The following DNAJB5 variants were observed in gnomAD, a reference collection of about 807,000 sequenced individuals.
DNAJB5 encodes dnaJ homolog subfamily B member 5.
DNAJB5 carries 12 observed loss-of-function variants against 32.6 expected under a neutral mutation model. That is an observed-to-expected ratio of 0.37 (90% CI 0.24 to 0.60). The LOEUF is 0.60. Ranked by LOEUF, DNAJB5 falls within the 20% of genes least tolerant of loss-of-function variation. DNAJB5 has a pLI of 0.71. For synonymous variants in DNAJB5, 188 were observed against 212.9 expected, an observed-to-expected ratio of 0.88 and a Z score of 1.02; for missense variants, 358 against 554.2, an observed-to-expected ratio of 0.65 and a Z score of 3.55.
rs1827584249 is a variant in DNAJB5, at chr9:34,990,212, C to T, written c.-132-287C>T. 1 of 1,310,912 alleles carries T rather than the reference C, an allele frequency of 7.6e-7. No individual in the cohort carries two copies. The highest frequency in any genetic ancestry group is 9.9e-7 in the Non-Finnish European group (1 of 1,010,026). The allele number at this position is 1,310,912 out of a possible 1,614,324, so 81.2% of individuals were successfully genotyped here. On this transcript the variant is annotated intron_variant, in intron 1 of 4. Coordinates refer to ENST00000682809, the MANE Select transcript of DNAJB5 (RefSeq NM_001349723.3). This position sits in a 1 kb window ranked among gnomAD's most constrained non-coding sequence, Gnocchi z 4.5. ...GTCCCGGCCGAGCTCCGCTCTGCCC[C>T]GCCCATCTGCGAGGGAGGAGACTCC...
chr9:34,992,943 G>C, intron 2 of DNAJB5: 1 of 1,334,984 alleles, frequency 7.5e-7, no homozygotes, highest in South Asian at 1.6e-5. Context: ...CTAGCCCCAA[G>C]AGTGGGCCAC....
chr9:34,996,899 G>A lies in DNAJB5; in HGVS notation c.1029+33G>A. 1 of 1,589,188 alleles carries A rather than the reference G, an allele frequency of 6.3e-7. No individual in the cohort carries two copies. The highest frequency in any genetic ancestry group is 1.7e-5 in the Admixed American group (1 of 59,180). On this transcript the variant is annotated intron_variant, in intron 4 of 4. Coordinates refer to ENST00000682809, the MANE Select transcript of DNAJB5 (RefSeq NM_001349723.3). This position sits in a 1 kb window ranked among gnomAD's most constrained non-coding sequence, Gnocchi z 7.2. The stretch of plus-strand genomic sequence containing the variant: ...CTAGTCAGGCTGTGTGTGTGTGCTG[G>A]GGAGATGGTGGGGACATTCCCTCTC...
chr9:34,991,006 G>T (rs1479198027), intron 2 of DNAJB5, 194 bp downstream of exon 2: 10 of 617,248 alleles, frequency 1.6e-5, no homozygotes, highest in Non-Finnish European at 2.5e-5. Context: ...AACCCTTCAG[G>T]TATCCATTTT....
chr9:34,996,656 G>A lies in DNAJB5; in HGVS notation c.819G>A (p.Gly273=), dbSNP rs765101835. ...KITRRRLNPD[G]RTVRTEDKIL... ...CAAGGCGTCGCCTCAACCCTGATGG[G>A]CGAACTGTGCGCACCGAGGACAAGA... The change falls in exon 4 of 5, where the codon GGG becomes GGA. Residue 273 remains glycine (G), a synonymous_variant. Transcript: ENST00000682809. This position sits in a 1 kb window ranked among gnomAD's most constrained non-coding sequence, Gnocchi z 7.2. 6.2e-7 allele frequency: 1 copy of A among 1,614,128 alleles called. No individual in the cohort carries two copies. Among genetic ancestry groups the A allele is most frequent in the South Asian group, 1.1e-5 (1 of 91,084 alleles).
intron 2 of DNAJB5, chr9:34,991,675 C>CA (rs1554662740): frequency 2.4e-5 from 6 of 254,454 alleles, no homozygotes; most frequent in Middle Eastern, 1.4e-3. Flanking sequence ...GTTGCCCCCC[C>CA]CCCCAACGAG....
At chr9:34,991,667 T>TCC (rs1275397283) in intron 2 of DNAJB5, 9 of 79,738 alleles carry the variant, frequency 1.1e-4, no homozygotes, top group South Asian at 1.9e-4. Flanking sequence ...CGAAAACGGT[T>TCC]GCCCCCCCCC....
Position 34,990,572 on chromosome 9 carries a change from G to A in DNAJB5, c.-59G>A. On this transcript the variant is annotated 5_prime_UTR_variant, in exon 2 of 5. Transcript: ENST00000682809. The surrounding 1 kb of genome is among the most constrained non-coding windows in gnomAD (Gnocchi z 4.5). ...AGAGTCCAAGGAGGTGGCTTCCAGA[G>A]CTGCAGCACTTCAGGCCGGCTCCGG... is the stretch of plus-strand genomic sequence containing the variant. 6.4e-7 allele frequency: 1 copy of A among 1,550,844 alleles called. No homozygotes were observed. Among genetic ancestry groups the A allele is most frequent in the Non-Finnish European group, 8.7e-7 (1 of 1,146,912 alleles).
rs1354652113 is a variant in DNAJB5 at position 34,993,354 on chromosome 9, G to A, written c.337G>A (p.Ala113Thr). ...YHPDKNKEPN[A>T]EEKFKEIAEA... ...CCCAGACAAGAATAAAGAACCCAAC[G>A]CTGAGGAGAAGTTTAAGGAGATTGC... The change falls in exon 3 of 5, where the codon GCT (alanine) becomes ACT (threonine). Residue 113 changes from alanine (A) to threonine (T), a missense_variant. Physicochemically the swap from Ala to Thr is moderately conservative, Grantham distance 58. Around this residue, in one of 2 missense-constraint regions of DNAJB5, gnomAD observed 248 missense variants for 442.6 expected, o/e 0.56. Coordinates refer to ENST00000682809, the MANE Select transcript of DNAJB5 (RefSeq NM_001349723.3). This position sits in a 1 kb window ranked among gnomAD's most constrained non-coding sequence, Gnocchi z 4.7. 9 of 1,613,988 alleles carry A rather than the reference G, an allele frequency of 5.6e-6. No individual in the cohort carries two copies. The highest frequency in any genetic ancestry group is 3.3e-5 in the Admixed American group (2 of 60,006).
Position 34,990,875 on chromosome 9 carries a change from C to A in DNAJB5, c.182+63C>A. 4.8e-6 allele frequency: 7 copies of A among 1,468,448 alleles called. No homozygotes were observed. The highest frequency in any genetic ancestry group is 1.4e-5 in the African/African-American group (1 of 71,094). The allele number at this position is 1,468,448 out of a possible 1,614,324, so 91.0% of individuals were successfully genotyped here. A position where few individuals can be genotyped will look rare whatever the true frequency, so the allele number is the denominator to read the frequency against. Reference sequence around the variant, plus strand: ...CAGTCAAACCCTCCACGCGGCCATCCCCTCCATTGCCTTCCTGCTTCCTCC... The same window carrying A: ...CAGTCAAACCCTCCACGCGGCCATCACCTCCATTGCCTTCCTGCTTCCTCC... On this transcript the variant is annotated intron_variant, in intron 2 of 4. Coordinates refer to ENST00000682809, the MANE Select transcript of DNAJB5 (RefSeq NM_001349723.3). This position sits in a 1 kb window ranked among gnomAD's most constrained non-coding sequence, Gnocchi z 4.5.
Position 34,996,249 on chromosome 9 carries a change from T to C in DNAJB5, c.428-16T>C. 1.2e-6 allele frequency: 2 copies of C among 1,604,698 alleles called. No homozygotes were observed. Among genetic ancestry groups the C allele is most frequent in the Non-Finnish European group, 1.7e-6 (2 of 1,174,286 alleles). ...CAGAATAAGCCACACTGCCCCTAAC[T>C]TCTCCTCCCCTCTAGGCCTGAAGAC... On this transcript the variant is annotated splice_polypyrimidine_tract_variant and intron_variant, in intron 3 of 4. Transcript: ENST00000682809. The surrounding 1 kb of genome is among the most constrained non-coding windows in gnomAD (Gnocchi z 7.2).
chr9:34,990,083 G>T lies in DNAJB5; in HGVS notation c.-133+252G>T. 1.4e-6 allele frequency: 1 copy of T among 720,992 alleles called. No homozygotes were observed. Among genetic ancestry groups the T allele is most frequent in the Non-Finnish European group, 2.2e-6 (1 of 454,726 alleles). The allele number at this position is 720,992 out of a possible 1,614,324, so 44.7% of individuals were successfully genotyped here. Reference sequence around the variant, plus strand: ...GGACCGGACCAGATTGGGTTCTGTGGGGCGGAGGCATCTGTGAGCAGACCA... The same window carrying T: ...GGACCGGACCAGATTGGGTTCTGTGTGGCGGAGGCATCTGTGAGCAGACCA... On this transcript the variant is annotated intron_variant, in intron 1 of 4. Coordinates refer to ENST00000682809, the MANE Select transcript of DNAJB5 (RefSeq NM_001349723.3). The surrounding 1 kb of genome is among the most constrained non-coding windows in gnomAD (Gnocchi z 4.5).
At position 34,989,830 on chromosome 9, in the gene DNAJB5, C is replaced by A; in HGVS notation, c.-134C>A. 8.1e-7 allele frequency: 1 copy of A among 1,233,906 alleles called. No individual in the cohort carries two copies. Among genetic ancestry groups the A allele is most frequent in the Non-Finnish European group, 1.0e-6 (1 of 989,150 alleles). 76.4% of individuals were successfully genotyped at this position (1,233,906 alleles called of 1,614,324 possible). The stretch of plus-strand genomic sequence containing the variant: ...CACGGCGGCGCCCGCAGCTCCTCAC[C>A]GGTGAGGGCGCCAAGCCAGGACTCG... On this transcript the variant is annotated splice_region_variant and 5_prime_UTR_variant, in exon 1 of 5. Transcript: ENST00000682809.
Position 34,993,979 on chromosome 9 carries a change from A to G in DNAJB5, c.427+535A>G, listed in dbSNP as rs2132979669. ...TCCCAGAGGAAGTGGCAGGGATCCAAGGGTGGACGGGGAACTGCTGCTGGC... is the reference window on the plus strand; with the variant it reads ...TCCCAGAGGAAGTGGCAGGGATCCAGGGGTGGACGGGGAACTGCTGCTGGC... On this transcript the variant is annotated intron_variant, in intron 3 of 4. Transcript: ENST00000682809. The surrounding 1 kb of genome is among the most constrained non-coding windows in gnomAD (Gnocchi z 4.7). 6.6e-6 allele frequency among the ~76,000 whole-genome samples: 1 copy of G among 152,314 alleles called. No homozygotes were observed. The highest frequency in any genetic ancestry group is 2.1e-4 in the South Asian group (1 of 4,830).
In DNAJB5 at chr9:34,996,276, G is replaced by A. The variant is rs772171150; in HGVS notation, c.439G>A (p.Gly147Ser). Reference protein sequence around the residue: ...DQYGEEGLKTGGGTSGGSSGS... With the variant: ...DQYGEEGLKTSGGTSGGSSGS... Reference sequence around the variant, plus strand: ...CTCCTCCCCTCTAGGCCTGAAGACCGGCGGTGGCACATCAGGTGGCTCCAG... The same window carrying A: ...CTCCTCCCCTCTAGGCCTGAAGACCAGCGGTGGCACATCAGGTGGCTCCAG... The change falls in exon 4 of 5, where the codon GGC becomes AGC. Residue 147 changes from glycine (G) to serine (S), a missense_variant. Transcript: ENST00000682809. This position sits in a 1 kb window ranked among gnomAD's most constrained non-coding sequence, Gnocchi z 7.2. 10 of 1,613,188 alleles carry A rather than the reference G, an allele frequency of 6.2e-6. No homozygotes were observed. The highest frequency in any genetic ancestry group is 4.5e-5 in the East Asian group (2 of 44,886).
In DNAJB5 at chr9:34,989,760, G is replaced by A; in HGVS notation, c.-204G>A. 1.6e-6 allele frequency: 2 copies of A among 1,231,372 alleles called. No homozygotes were observed. Among genetic ancestry groups the A allele is most frequent in the Non-Finnish European group, 2.0e-6 (2 of 987,616 alleles). The allele number at this position is 1,231,372 out of a possible 1,614,324, so 76.3% of individuals were successfully genotyped here. A position where few individuals can be genotyped will look rare whatever the true frequency, so the allele number is the denominator to read the frequency against. ...GGCGACTCCTGTCCCGGGTGGAGGC[G>A]GCGGAGCCGGAGCCGGGGGAGGGGG... On this transcript the variant is annotated 5_prime_UTR_variant, in exon 1 of 5. Transcript: ENST00000682809.
rs1554662739 is a variant in DNAJB5, at chr9:34,991,675, C to CCT, written c.182+864_182+865insTC. 7 of 254,374 alleles carry CCT rather than the reference C, an allele frequency of 2.8e-5. 1 individual carries two copies. The highest frequency in any genetic ancestry group is 4.0e-5 in the Non-Finnish European group (5 of 126,030). 15.8% of individuals were successfully genotyped at this position (254,374 alleles called of 1,614,324 possible). On this transcript the variant is annotated intron_variant, in intron 2 of 4. Coordinates refer to ENST00000682809, the MANE Select transcript of DNAJB5 (RefSeq NM_001349723.3). ...CCATTTCCGAAAACGGTTGCCCCCC[C>CCT]CCCCAACGAGGTGCTCTTTCTTCTC...
rs181330942 is a variant in DNAJB5, at chr9:34,990,729, C to G, written c.99C>G (p.Asp33Glu). The G allele has an allele frequency of 6.4e-7, 1 of 1,551,728 alleles. No homozygotes were observed. Among genetic ancestry groups the G allele is most frequent in the South Asian group, 1.2e-5 (1 of 84,064 alleles). The change falls in exon 2 of 5, where the codon GAC (aspartate) becomes GAG (glutamate). Residue 33 changes from aspartate to glutamate, a missense_variant. This residue lies in a region of DNAJB5 where 110 missense variants were observed against 111.7 expected (regional missense o/e 0.99). Coordinates refer to ENST00000682809, the MANE Select transcript of DNAJB5 (RefSeq NM_001349723.3). This position sits in a 1 kb window ranked among gnomAD's most constrained non-coding sequence, Gnocchi z 4.5. Reference protein sequence around the residue: ...FRSFPHSWGEDFLASLMFKIQ... With the variant: ...FRSFPHSWGEEFLASLMFKIQ... ...GCTTCCCACACTCCTGGGGAGAAGA[C>G]TTCTTAGCCAGCTTGATGTTTAAAA...
In DNAJB5 at chr9:34,991,128, G is replaced by A. The variant is rs571543202; in HGVS notation, c.182+316G>A. 29 of 436,672 alleles carry A rather than the reference G, an allele frequency of 6.6e-5. 1 individual carries two copies. The East Asian group carries it at 1.3e-3, about 20-fold the overall frequency. The allele number at this position is 436,672 out of a possible 1,614,324, so 27.0% of individuals were successfully genotyped here. On this transcript the variant is annotated intron_variant, in intron 2 of 4. Coordinates refer to ENST00000682809, the MANE Select transcript of DNAJB5 (RefSeq NM_001349723.3). ...ATCTGTCACTCATCCCCCTCCATCA[G>A]TACCTCATTTTCTGTATCAGCCATC...
Position 34,990,301 on chromosome 9 carries a change from A to G in DNAJB5, c.-132-198A>G. Reference sequence around the variant, plus strand: ...GTCGGGTCCTCCCCAGTGAGAGGCGACAGGAGCTCACTGCCTCTCGGGCCC... The same window carrying G: ...GTCGGGTCCTCCCCAGTGAGAGGCGGCAGGAGCTCACTGCCTCTCGGGCCC... On this transcript the variant is annotated intron_variant, in intron 1 of 4. Transcript: ENST00000682809. The surrounding 1 kb of genome is among the most constrained non-coding windows in gnomAD (Gnocchi z 4.5). 7.0e-7 allele frequency: 1 copy of G among 1,422,774 alleles called. No homozygotes were observed. Among genetic ancestry groups the G allele is most frequent in the Non-Finnish European group, 9.3e-7 (1 of 1,076,212 alleles). 88.1% of individuals were successfully genotyped at this position (1,422,774 alleles called of 1,614,324 possible).
Sources: allele counts gnomAD v4.1 joint callset (sites outside exome capture counted in the v4.1 genomes callset), GRCh38; gene constraint gnomAD v4.1.1; regional missense constraint gnomAD v4.1.1; non-coding constraint Gnocchi (gnomAD v3.1); transcripts MANE v1.5; gene names NCBI Gene and HGNC (gene_info 2026-07-23, HGNC 2026-07-21).